Variants in RBMS3 observed in about 807,000 individuals in gnomAD.
RBMS3 encodes the protein RNA-binding motif, single-stranded-interacting protein 3.
RBMS3 carries 27 observed loss-of-function variants against 66.8 expected under a neutral mutation model. The ratio of observed to expected loss-of-function variants is 0.40; its 90% CI spans 0.30 to 0.56. The LOEUF is 0.56. Among genes scored for constraint, RBMS3 ranks in the 20% least tolerant of loss-of-function variants. The pLI is 0.40. For synonymous variants in RBMS3, 188 were observed against 183.0 expected (o/e 1.03, Z -0.22); for missense variants, 513 against 549.5 (o/e 0.93, Z 0.66).
intron 5 of RBMS3, among the ~76,000 whole-genome samples, chr3:29,744,058 G>A (rs1164278353): frequency 6.6e-6 from 1 of 151,920 alleles, no homozygotes; most frequent in Non-Finnish European, 1.5e-5. Context: ...TACTGACACT[G>A]CTGATATGGG....
In RBMS3 at chr3:29,835,321, A is replaced by G. The variant is rs140923742; in HGVS notation, c.638-33537A>G. 3.7e-3 allele frequency among the ~76,000 whole-genome samples: 561 copies of G among 152,080 alleles called. 3 individuals are homozygous for G. Among genetic ancestry groups the G allele is most frequent in the Non-Finnish European group, 5.8e-3 (396 of 67,860 alleles). Reference sequence around the variant, plus strand: ...CATACAAAAGACTCCATCCAAAAGCAACTGAATGCATATTCTTCTCAAGCA... The same window carrying G: ...CATACAAAAGACTCCATCCAAAAGCGACTGAATGCATATTCTTCTCAAGCA... On this transcript the variant is annotated intron_variant, in intron 6 of 14. Transcript: ENST00000383767.
chr3:29,838,726 A>G (rs2058591432), intron 6 of RBMS3, among the ~76,000 whole-genome samples: 1 of 152,160 alleles, frequency 6.6e-6, no homozygotes, highest in African/African-American at 2.4e-5. Flanking sequence ...TCTTTCTTTT[A>G]TGCAGCAATA....
chr3:29,930,938 A>G (rs1374777508), intron 10 of RBMS3, among the ~76,000 whole-genome samples: 2 of 152,274 alleles, frequency 1.3e-5, no homozygotes, highest in East Asian at 3.9e-4. Context: ...GAGCAATCTC[A>G]AAATAACATT....
intron 12 of RBMS3, among the ~76,000 whole-genome samples, chr3:29,966,370 C>T (rs1158398296): frequency 2.0e-5 from 3 of 152,020 alleles, no homozygotes; most frequent in Non-Finnish European, 4.4e-5. Flanking sequence ...CCATTTGTGT[C>T]GTCTATGATT....
intron 6 of RBMS3, among the ~76,000 whole-genome samples, chr3:29,767,843 A>G (rs1335388752): frequency 1.3e-5 from 2 of 151,988 alleles, no homozygotes; most frequent in Non-Finnish European, 2.9e-5. Context: ...ACAAATTTTT[A>G]TCAGTGGGAA....
Position 29,851,115 on chromosome 3 carries a change from C to A in RBMS3, c.638-17743C>A, listed in dbSNP as rs531021575. On this transcript the variant is annotated intron_variant, in intron 6 of 14. Transcript: ENST00000383767. ...CTGTCAGTCTCTGCTCCTTACATTA[C>A]CTTATCTTTTTTTAGCACTTCACAA... is the stretch of plus-strand genomic sequence containing the variant. Among the ~76,000 whole-genome samples the A allele has an allele frequency of 5.9e-5, 9 of 152,288 alleles. No homozygotes were observed. The South Asian group carries it at 1.9e-3, about 32-fold the overall frequency.
intron 1 of RBMS3, among the ~76,000 whole-genome samples, chr3:29,419,128 A>G (rs994604116): frequency 1.3e-5 from 2 of 152,140 alleles, no homozygotes; most frequent in African/African-American, 2.4e-5. Context: ...GCTTGATCAA[A>G]AGGCCAAGAA....
chr3:29,363,592 C>A (rs1180500004), intron 1 of RBMS3, among the ~76,000 whole-genome samples: 1 of 152,052 alleles, frequency 6.6e-6, no homozygotes, highest in Non-Finnish European at 1.5e-5. Flanking sequence ...AGTTTGAGAC[C>A]AGCCTGGCCG....
intron 10 of RBMS3, among the ~76,000 whole-genome samples, chr3:29,903,425 A>G (rs573499042): frequency 6.6e-6 from 1 of 152,110 alleles, no homozygotes; most frequent in Non-Finnish European, 1.5e-5. Context: ...TCTGCTTCTC[A>G]GCACAGACGT....
intron 1 of RBMS3, among the ~76,000 whole-genome samples, chr3:29,314,446 C>T (rs1035041158): frequency 2.6e-5 from 4 of 151,614 alleles, no homozygotes; most frequent in African/African-American, 9.7e-5. Flanking sequence ...TGCTGGAAGG[C>T]AGCAGGCATG....
intron 1 of RBMS3, among the ~76,000 whole-genome samples, chr3:29,327,684 T>C (rs1004060491): frequency 8.5e-5 from 13 of 152,322 alleles, no homozygotes; most frequent in African/African-American, 2.9e-4. Flanking sequence ...TGTTCTTGTG[T>C]ATTGCACAGA....
intron 5 of RBMS3, among the ~76,000 whole-genome samples, chr3:29,753,959 A>ACT (rs1349890733): frequency 6.8e-6 from 1 of 147,966 alleles, no homozygotes; most frequent in Non-Finnish European, 1.5e-5. Flanking sequence ...AGATTGAAAA[A>ACT]CTCTTTTTTT....
At chr3:29,665,291 G>A (rs886245226) in intron 4 of RBMS3, among the ~76,000 whole-genome samples, 7 of 152,114 alleles carry the variant, frequency 4.6e-5, no homozygotes, top group Non-Finnish European at 7.4e-5. Flanking sequence ...TTGTCCTCAA[G>A]GAAGACACAG....
intron 1 of RBMS3, among the ~76,000 whole-genome samples, chr3:29,431,948 G>C (rs575307301): frequency 6.6e-6 from 1 of 151,888 alleles, no homozygotes; most frequent in East Asian, 1.9e-4. Context: ...GACTGGTCTC[G>C]AGCTCCTGGG....
In RBMS3 at chr3:29,490,042, C is replaced by CAAA. The variant is rs1245001930; in HGVS notation, c.307+1564_307+1566dup. ...TGGGCTACAGGGCAAGACTCCCTCTCAAAAAAAAAAAAAAAAAAAAAAAGT... is the reference window on the plus strand; with the variant it reads ...TGGGCTACAGGGCAAGACTCCCTCTCAAAAAAAAAAAAAAAAAAAAAAAAAAGT... On this transcript the variant is annotated intron_variant, in intron 3 of 14. Coordinates refer to ENST00000383767, the MANE Select transcript of RBMS3 (RefSeq NM_001003793.3). Among the ~76,000 whole-genome samples, 98 of 49,818 alleles carry CAAA rather than the reference C, an allele frequency of 2.0e-3. 2 individuals are homozygous for CAAA. The highest frequency in any genetic ancestry group is 2.8e-3 in the East Asian group (5 of 1,786). The allele number at this position is 49,818 out of a possible 152,430, so 32.7% of individuals were successfully genotyped here.
intron 2 of RBMS3, among the ~76,000 whole-genome samples, chr3:29,453,009 G>A (rs9882926): frequency 0.092 from 13,918 of 152,104 alleles, 1,502 homozygotes; most frequent in African/African-American, 0.26. Flanking sequence ...CCTAATACTT[G>A]TAATCTTGCT....
At chr3:29,876,430 C>T (rs2059612823) in intron 7 of RBMS3, among the ~76,000 whole-genome samples, 1 of 152,064 alleles carries the variant, frequency 6.6e-6, no homozygotes, top group African/African-American at 2.4e-5. Context: ...AGTTCAAATT[C>T]AAACATTTCT....
At chr3:29,543,979 T>C (rs1027430842) in intron 3 of RBMS3, among the ~76,000 whole-genome samples, 2 of 152,168 alleles carry the variant, frequency 1.3e-5, no homozygotes, top group African/African-American at 4.8e-5. Flanking sequence ...TTCATCATCC[T>C]ATTGATATTT....
intron 10 of RBMS3, among the ~76,000 whole-genome samples, chr3:29,915,086 T>C (rs2060605584): frequency 1.3e-5 from 2 of 151,774 alleles, no homozygotes; most frequent in Non-Finnish European, 2.9e-5. Flanking sequence ...TCATTGTGAA[T>C]GCAGGGATTT....
Sources: allele counts gnomAD v4.1 joint callset (sites outside exome capture counted in the v4.1 genomes callset), GRCh38; gene constraint gnomAD v4.1.1; transcripts MANE v1.5; gene names NCBI Gene and HGNC (gene_info 2026-07-23, HGNC 2026-07-21).